The following ULK4 variants were observed in gnomAD, a reference collection of about 807,000 sequenced individuals.
The protein encoded by ULK4 is inactive serine/threonine-protein kinase ULK4.
In ULK4, 133 loss-of-function variants were observed where a neutral mutation model predicts 160.6. The ratio of observed to expected loss-of-function variants is 0.83; its 90% CI spans 0.72 to 0.96. The LOEUF is 0.96. Among genes scored for constraint, ULK4 ranks in the 40% least tolerant of loss-of-function variants. ULK4 has a pLI of 0.00. For missense variants in ULK4, 1,580 were observed against 1,499.5 expected (o/e 1.05, Z -0.89); for synonymous variants, 534 against 539.8 (o/e 0.99, Z 0.15).
intron 35 of ULK4, among the ~76,000 whole-genome samples, chr3:41,328,652 C>T (rs1258283275): frequency 6.6e-6 from 1 of 152,134 alleles, no homozygotes; most frequent in Admixed American, 6.5e-5. Flanking sequence ...AATATAAACT[C>T]TTGAAAGGTG....
At chr3:41,635,840 T>C (rs2033931684) in intron 30 of ULK4, among the ~76,000 whole-genome samples, 2 of 152,164 alleles carry the variant, frequency 1.3e-5, no homozygotes, top group Admixed American at 1.3e-4. Flanking sequence ...GGATAGAGGG[T>C]GGGATAAAAA....
intron 27 of ULK4, among the ~76,000 whole-genome samples, chr3:41,701,210 A>C (rs1032084417): frequency 6.6e-6 from 1 of 152,178 alleles, no homozygotes; most frequent in Non-Finnish European, 1.5e-5. Context: ...AACAATCCAC[A>C]GATTCAAGCA....
chr3:41,397,075 A>C (rs2082077662), intron 35 of ULK4, among the ~76,000 whole-genome samples: 1 of 152,056 alleles, frequency 6.6e-6, no homozygotes, highest in Non-Finnish European at 1.5e-5. Context: ...GGATACCTCA[A>C]GGTATTAGGA....
intron 18 of ULK4, among the ~76,000 whole-genome samples, chr3:41,831,533 T>A (rs56939174): frequency 0.054 from 6,807 of 125,340 alleles, 656 homozygotes; most frequent in African/African-American, 0.26. Context: ...ATATATATAT[T>A]TTTTTTTCTT....
intron 22 of ULK4, 98 bp from the exon 23 acceptor site, chr3:41,717,959 C>A: frequency 7.1e-7 from 1 of 1,399,628 alleles, no homozygotes; most frequent in South Asian, 1.4e-5. Flanking sequence ...AGAGGGCACC[C>A]TCCCAATCAT....
At chr3:41,806,417 G>A (rs1365393015) in intron 19 of ULK4, among the ~76,000 whole-genome samples, 2 of 151,918 alleles carry the variant, frequency 1.3e-5, no homozygotes, top group African/African-American at 4.8e-5. Context: ...CAGTTTTGTT[G>A]ATCCTTTCAA....
In ULK4 at chr3:41,800,164, T is replaced by C. The variant is rs749987508; in HGVS notation, c.1978A>G (p.Thr660Ala). The change falls in exon 20 of 37, where the codon ACT becomes GCT. Residue 660 changes from threonine (T) to alanine (A), a missense_variant. Physicochemically the swap from Thr to Ala is moderately conservative, Grantham distance 58 (BLOSUM62 0). Coordinates refer to ENST00000301831, the MANE Select transcript of ULK4 (RefSeq NM_017886.4). ...GCTGTTATCCTAAGAGAATCAGCAG[T>C]GGAGTGTCTGAATAGGTACCACAAA... Reference protein sequence around the residue: ...PILWYLFRHSTADSLRITAVS... With the variant: ...PILWYLFRHSAADSLRITAVS... 6.2e-7 allele frequency: 1 copy of C among 1,613,216 alleles called. No individual in the cohort carries two copies. The highest frequency in any genetic ancestry group is 1.1e-5 in the South Asian group (1 of 90,856).
intron 30 of ULK4, among the ~76,000 whole-genome samples, chr3:41,662,466 C>G (rs764086592): frequency 5.3e-5 from 8 of 152,184 alleles, no homozygotes; most frequent in Non-Finnish European, 8.8e-5. Context: ...TCTATGTGCC[C>G]TGACACACCC....
At chr3:41,922,682 A>C (rs112681980) in intron 5 of ULK4, among the ~76,000 whole-genome samples, 30 of 152,134 alleles carry the variant, frequency 2.0e-4, no homozygotes, top group Non-Finnish European at 2.4e-4. Context: ...GTCCCCCAAG[A>C]AGCAGACACC....
At chr3:41,487,605 T>G (rs577993539) in intron 32 of ULK4, among the ~76,000 whole-genome samples, 119 of 152,108 alleles carry the variant, frequency 7.8e-4, no homozygotes, top group Admixed American at 1.4e-3. Flanking sequence ...CTATGAGGAA[T>G]AAGTAATTAT....
At position 41,250,659 on chromosome 3, in the gene ULK4, G is replaced by A. The variant is rs114947923; in HGVS notation, c.3679-1085C>T. On this transcript the variant is annotated intron_variant, in intron 35 of 36. Transcript: ENST00000301831. ...AATCAACCACTCATGATAGGTCACA[G>A]GGGTAACTAAACATTAACATGAACT... Among the ~76,000 whole-genome samples the A allele has an allele frequency of 3.4e-3, 519 of 152,286 alleles. 2 individuals are homozygous for A. Among genetic ancestry groups the A allele is most frequent in the African/African-American group, 0.012 (501 of 41,546 alleles).
At chr3:41,641,387 T>C (rs1036779179) in intron 30 of ULK4, among the ~76,000 whole-genome samples, 2 of 152,132 alleles carry the variant, frequency 1.3e-5, no homozygotes, top group South Asian at 2.1e-4. Context: ...TCAAGTGGAA[T>C]AGTTTGCTTC....
At chr3:41,857,573 C>G (rs2042391244) in intron 17 of ULK4, among the ~76,000 whole-genome samples, 1 of 152,112 alleles carries the variant, frequency 6.6e-6, no homozygotes, top group African/African-American at 2.4e-5. Context: ...AGGTAGAATT[C>G]AGCAGTGAAG....
chr3:41,291,712 T>C (rs1299623777), intron 35 of ULK4, among the ~76,000 whole-genome samples: 2 of 152,148 alleles, frequency 1.3e-5, no homozygotes, highest in Non-Finnish European at 2.9e-5. Context: ...CTCAAAAATA[T>C]GAAGGGACAT....
intron 27 of ULK4, among the ~76,000 whole-genome samples, chr3:41,695,782 A>G (rs2036473602): frequency 6.6e-6 from 1 of 152,170 alleles, no homozygotes. Context: ...TCTAGACCAT[A>G]GACATGATTA....
intron 4 of ULK4, among the ~76,000 whole-genome samples, chr3:41,934,518 A>G (rs1197662389): frequency 6.6e-6 from 1 of 152,210 alleles, no homozygotes; most frequent in Non-Finnish European, 1.5e-5. Flanking sequence ...TGAGCACACT[A>G]CTTACCAAAA....
At chr3:41,401,154 T>C (rs1235800644) in intron 34 of ULK4, among the ~76,000 whole-genome samples, 1 of 152,202 alleles carries the variant, frequency 6.6e-6, no homozygotes, top group African/African-American at 2.4e-5. Flanking sequence ...GTCCAATTAC[T>C]GGTTTTAGCT....
At chr3:41,315,838 T>G (rs144685945) in intron 35 of ULK4, among the ~76,000 whole-genome samples, 1 of 152,300 alleles carries the variant, frequency 6.6e-6, no homozygotes, top group Non-Finnish European at 1.5e-5. Context: ...CACAATGAGA[T>G]GCCACTTCCC....
chr3:41,803,626 C>G (rs2040538873), intron 19 of ULK4, among the ~76,000 whole-genome samples: 1 of 152,084 alleles, frequency 6.6e-6, no homozygotes, highest in Non-Finnish European at 1.5e-5. Flanking sequence ...CTAATGCTAT[C>G]CCTCCCCACT....
Sources: allele counts gnomAD v4.1 joint callset (sites outside exome capture counted in the v4.1 genomes callset), GRCh38; gene constraint gnomAD v4.1.1; transcripts MANE v1.5; gene names NCBI Gene and HGNC (gene_info 2026-07-23, HGNC 2026-07-21).